The following LHFPL3 variants were observed in gnomAD, a reference collection of about 807,000 sequenced individuals.
LHFPL3 encodes LHFPL tetraspan subfamily member 3 protein.
A neutral mutation model predicts 19.3 loss-of-function variants in LHFPL3; 5 were observed. The ratio of observed to expected loss-of-function variants is 0.26; its 90% CI spans 0.14 to 0.54. LHFPL3 has a LOEUF of 0.54. LHFPL3 is among the 20% of genes least tolerant of loss of function. LHFPL3 has a pLI of 0.94. For missense variants in LHFPL3, 249 were observed against 307.4 expected, an observed-to-expected ratio of 0.81 and a Z score of 1.42; for synonymous variants, 133 against 126.2, an observed-to-expected ratio of 1.05 and a Z score of -0.36.
At chr7:104,697,289 A>G (rs569810889) in intron 1 of LHFPL3, among the ~76,000 whole-genome samples, 1 of 152,328 alleles carries the variant, frequency 6.6e-6, no homozygotes, top group East Asian at 1.9e-4. Context: ...AACATTAGCA[A>G]CTAATAAGAG....
intron 1 of LHFPL3, among the ~76,000 whole-genome samples, chr7:104,462,741 A>T (rs1423601945): frequency 6.6e-6 from 1 of 152,180 alleles, no homozygotes; most frequent in Non-Finnish European, 1.5e-5. Context: ...TATCAGGCTG[A>T]TGCTGGCTTT....
intron 1 of LHFPL3, among the ~76,000 whole-genome samples, chr7:104,694,998 A>G (rs1487027783): frequency 6.6e-6 from 1 of 152,176 alleles, no homozygotes; most frequent in Non-Finnish European, 1.5e-5. Flanking sequence ...CAGAAGGGCT[A>G]TTTGTCATGG....
chr7:104,478,294 A>G (rs1182226724), intron 1 of LHFPL3, among the ~76,000 whole-genome samples: 1 of 152,152 alleles, frequency 6.6e-6, no homozygotes, highest in Non-Finnish European at 1.5e-5. Context: ...GGAAAGATAT[A>G]TGGTCTGCCA....
intron 1 of LHFPL3, among the ~76,000 whole-genome samples, chr7:104,592,598 C>G (rs1183393334): frequency 6.6e-6 from 1 of 152,144 alleles, no homozygotes; most frequent in Non-Finnish European, 1.5e-5. Flanking sequence ...ATCTCAAACT[C>G]TGTGCTGGGA....
intron 1 of LHFPL3, among the ~76,000 whole-genome samples, chr7:104,719,802 C>G (rs1300779609): frequency 6.6e-6 from 1 of 152,102 alleles, no homozygotes; most frequent in Non-Finnish European, 1.5e-5. Flanking sequence ...AGCATAGATT[C>G]CAAAAGCATA....
At chr7:104,818,251 C>A (rs1790603140) in intron 2 of LHFPL3, among the ~76,000 whole-genome samples, 1 of 152,114 alleles carries the variant, frequency 6.6e-6, no homozygotes, top group East Asian at 1.9e-4. Context: ...TCTTTACCAC[C>A]CTCTAGGTAA....
chr7:104,629,459 G>A (rs1390210430), intron 1 of LHFPL3, among the ~76,000 whole-genome samples: 5 of 152,128 alleles, frequency 3.3e-5, no homozygotes, highest in Admixed American at 6.6e-5. Flanking sequence ...TCACCTTGCA[G>A]TATTTATAGA....
At chr7:104,817,053 G>C (rs879506195) in intron 2 of LHFPL3, among the ~76,000 whole-genome samples, 50 of 151,982 alleles carry the variant, frequency 3.3e-4, no homozygotes, top group Non-Finnish European at 1.6e-4. Context: ...ATTCTTCAAG[G>C]CCCATCCCAC....
intron 1 of LHFPL3, among the ~76,000 whole-genome samples, chr7:104,427,553 GC>G (rs1791872274): frequency 2.6e-5 from 4 of 152,154 alleles, no homozygotes; most frequent in African/African-American, 9.7e-5. Flanking sequence ...AGTTTGAGTG[GC>G]TATGTGAATT....
chr7:104,546,406 T>A (rs560669669), intron 1 of LHFPL3, among the ~76,000 whole-genome samples: 1 of 152,298 alleles, frequency 6.6e-6, no homozygotes, highest in South Asian at 2.1e-4. Context: ...TTGCCAACTA[T>A]TTATTAACCA....
rs142430932 is a variant in LHFPL3, at chr7:104,875,932, G to A, written c.683-30255G>A. Among the ~76,000 whole-genome samples the A allele has an allele frequency of 2.0e-3, 309 of 152,196 alleles. 2 individuals are homozygous for A. The highest frequency in any genetic ancestry group is 3.8e-3 in the Non-Finnish European group (258 of 67,992). ...ACGCACCAGACTATCAGCTCCTCCT[G>A]GCACATCCTCTTTATCCTTGGAGCC... On this transcript the variant is annotated intron_variant, in intron 2 of 2. Coordinates refer to ENST00000424859, the MANE Select transcript of LHFPL3 (RefSeq NM_199000.3).
intron 1 of LHFPL3, among the ~76,000 whole-genome samples, chr7:104,363,479 C>T (rs1790428792): frequency 6.6e-6 from 1 of 152,234 alleles, no homozygotes. Context: ...TCTCTGATGA[C>T]GTGCGCATGC....
intron 2 of LHFPL3, among the ~76,000 whole-genome samples, chr7:104,814,922 G>T (rs1033120266): frequency 1.3e-5 from 2 of 152,184 alleles, no homozygotes; most frequent in Admixed American, 1.3e-4. Context: ...CAAGGGCAGG[G>T]GTGCCTTCCC....
intron 1 of LHFPL3, among the ~76,000 whole-genome samples, chr7:104,567,626 A>G (rs1790148802): frequency 6.6e-6 from 1 of 152,196 alleles, no homozygotes; most frequent in Non-Finnish European, 1.5e-5. Context: ...TAGTCAGTCT[A>G]AGAAAACTGT....
chr7:104,716,899 A>G (rs1181262754), intron 1 of LHFPL3, among the ~76,000 whole-genome samples: 2 of 152,352 alleles, frequency 1.3e-5, no homozygotes, highest in East Asian at 1.9e-4. Context: ...AACTGGAGAC[A>G]TCATACTTCC....
At chr7:104,540,807 C>A (rs1369345398) in intron 1 of LHFPL3, among the ~76,000 whole-genome samples, 1 of 152,034 alleles carries the variant, frequency 6.6e-6, no homozygotes, top group Middle Eastern at 3.2e-3. Flanking sequence ...TGGACCTAGC[C>A]CTGTTCAATT....
chr7:104,580,081 G>A (rs1385497436), intron 1 of LHFPL3, among the ~76,000 whole-genome samples: 1 of 152,164 alleles, frequency 6.6e-6, no homozygotes, highest in Non-Finnish European at 1.5e-5. Flanking sequence ...ACCTAGCAAT[G>A]TACTTGCAGA....
chr7:104,731,700 T>C (rs201498739), intron 1 of LHFPL3, among the ~76,000 whole-genome samples: 3,035 of 151,842 alleles, frequency 0.02, 55 homozygotes, highest in East Asian at 0.055. Context: ...TTTTTCCTAA[T>C]TGAATACCCT....
At chr7:104,614,557 G>A (rs74301010) in intron 1 of LHFPL3, among the ~76,000 whole-genome samples, 5 of 148,214 alleles carry the variant, frequency 3.4e-5, no homozygotes, top group African/African-American at 4.9e-5. Flanking sequence ...ACTACAGTAC[G>A]GTACTGTCCA....
Sources: gnomAD v4.1 joint callset for allele counts (sites outside exome capture counted in the v4.1 genomes callset) on GRCh38, gnomAD v4.1.1 for gene constraint, MANE v1.5 for transcripts, NCBI Gene and HGNC (gene_info 2026-07-23, HGNC 2026-07-21) for gene names.